The following NKIRAS1 variants were observed in gnomAD, a reference collection of about 807,000 sequenced individuals.
NKIRAS1 encodes NFKB inhibitor interacting Ras like 1, also known as NF-kappa-B inhibitor-interacting Ras-like protein 1.
NKIRAS1 carries 16 observed loss-of-function variants against 19.8 expected under a neutral mutation model. The observed-to-expected ratio is 0.81, with a 90% CI of 0.55 to 1.23. The LOEUF (loss-of-function observed/expected upper bound fraction) is 1.23, where lower values mean the gene tolerates loss of function less well. NKIRAS1 is among the 50% of genes most tolerant of loss of function. The probability of loss-of-function intolerance (pLI) is 0.00; values close to 1 mark genes in which losing one functional copy is unlikely to be tolerated. For synonymous variants in NKIRAS1, 88 were observed against 79.0 expected (o/e 1.11, Z -0.61); for missense variants, 184 against 220.0 (o/e 0.84, Z 1.04).
upstream of NKIRAS1, chr3:23,918,304 G>T: frequency 9.4e-7 from 1 of 1,067,634 alleles, no homozygotes; most frequent in Non-Finnish European, 1.3e-6. Flanking sequence ...AGACTGGGAT[G>T]TGTTTTATTT....
At chr3:23,908,807 G>A (rs2125408093) in intron 3 of NKIRAS1, among the ~76,000 whole-genome samples, 1 of 151,242 alleles carries the variant, frequency 6.6e-6, no homozygotes, top group African/African-American at 2.4e-5. Flanking sequence ...GGAACCACAG[G>A]CACATGCCAC....
intron 1 of NKIRAS1, 163 bp downstream of exon 1, chr3:23,916,621 G>T (rs557722152): frequency 3.3e-5 from 5 of 152,562 alleles, no homozygotes; most frequent in Non-Finnish European, 5.9e-5. Flanking sequence ...CTCCGCGAAG[G>T]CCTCCCTGGG....
At chr3:23,915,664 A>C (rs1014500285) in intron 1 of NKIRAS1, among the ~76,000 whole-genome samples, 1 of 152,120 alleles carries the variant, frequency 6.6e-6, no homozygotes, top group Non-Finnish European at 1.5e-5. Context: ...CTCCGACGTC[A>C]TTTCCCACTT....
upstream of NKIRAS1, chr3:23,920,380 G>C: frequency 1.0e-6 from 1 of 985,372 alleles, no homozygotes; most frequent in Non-Finnish European, 1.2e-6. Flanking sequence ...ACAAGCGCAT[G>C]GTTTCCAACC....
chr3:23,926,228 T>C lies in NKIRAS1; in HGVS notation c.-139-14778A>G, dbSNP rs148131465. Among the ~76,000 whole-genome samples the C allele has an allele frequency of 3.0e-3, 451 of 152,132 alleles. 1 individual carries two copies. Among genetic ancestry groups the C allele is most frequent in the African/African-American group, 0.011 (437 of 41,514 alleles). ...CACCACGCCCAGCTAATTTTTGTGT[T>C]TTTAGTAGAGACAGGGTTTCGCCGT... On this transcript the variant is annotated intron_variant, in intron 1 of 4. Coordinates refer to the NKIRAS1 transcript ENST00000421515. The surrounding 1 kb of genome is among the most constrained non-coding windows in gnomAD (Gnocchi z 4.3).
At chr3:23,934,490 T>C (rs1705362383) in intron 1 of NKIRAS1, among the ~76,000 whole-genome samples, 1 of 152,244 alleles carries the variant, frequency 6.6e-6, no homozygotes, top group Admixed American at 6.5e-5. Flanking sequence ...GCAGTTCCTC[T>C]GGCTATTCTG....
chr3:23,897,033 C>A (rs1045934951), intron 4 of NKIRAS1, among the ~76,000 whole-genome samples: 4 of 151,928 alleles, frequency 2.6e-5, no homozygotes, highest in African/African-American at 9.7e-5. Context: ...AGAGCAAGAC[C>A]TTGTCTTTGC....
intron 1 of NKIRAS1, among the ~76,000 whole-genome samples, chr3:23,934,351 G>A (rs936924381): frequency 6.6e-5 from 10 of 152,140 alleles, no homozygotes; most frequent in Non-Finnish European, 2.9e-5. Flanking sequence ...TCTGCCATGG[G>A]TATAAAGTAA....
upstream of NKIRAS1, chr3:23,920,609 T>C: frequency 1.0e-6 from 1 of 985,228 alleles, no homozygotes; most frequent in Non-Finnish European, 1.2e-6. Flanking sequence ...TTGCCCAATT[T>C]TAAATTCTGA....
intron 4 of NKIRAS1, among the ~76,000 whole-genome samples, chr3:23,893,808 A>C (rs1331057842): frequency 6.6e-6 from 1 of 151,058 alleles, no homozygotes; most frequent in African/African-American, 2.4e-5. Flanking sequence ...CAAAAAAAAA[A>C]AAAAAAAAAA....
intron 1 of NKIRAS1, among the ~76,000 whole-genome samples, chr3:23,938,292 C>T (rs1559517154): frequency 6.6e-6 from 1 of 151,452 alleles, no homozygotes; most frequent in Admixed American, 6.6e-5. Flanking sequence ...TCACTGCAGC[C>T]TCTATCTCCC....
intron 4 of NKIRAS1, among the ~76,000 whole-genome samples, chr3:23,893,774 G>A (rs1701683259): frequency 1.4e-5 from 2 of 139,608 alleles, no homozygotes; most frequent in African/African-American, 5.6e-5. Context: ...ACTCCAGCCT[G>A]GGTGACTGTG....
intron 1 of NKIRAS1, among the ~76,000 whole-genome samples, chr3:23,932,426 G>C (rs1469832350): frequency 6.6e-6 from 1 of 152,000 alleles, no homozygotes; most frequent in South Asian, 2.1e-4. Flanking sequence ...ATAACTTCTA[G>C]GCCTGTAATT....
chr3:23,918,631 G>C (rs751970353), upstream of NKIRAS1: 39 of 1,575,532 alleles, frequency 2.5e-5, no homozygotes, highest in Non-Finnish European at 3.4e-5. Flanking sequence ...TGGTGGGAGA[G>C]AGAGATTAAG....
At chr3:23,911,251 C>G (rs995423130) in intron 2 of NKIRAS1, 78 bp downstream of exon 2, 1 of 195,862 alleles carries the variant, frequency 5.1e-6, no homozygotes, top group African/African-American at 2.4e-5. Context: ...GTCAAGAGTT[C>G]GGCACCAGCC....
At chr3:23,942,692 A>G (rs1326725247) in intron 1 of NKIRAS1, among the ~76,000 whole-genome samples, 1 of 152,042 alleles carries the variant, frequency 6.6e-6, no homozygotes, top group South Asian at 2.1e-4. Flanking sequence ...CGGCCTCCCA[A>G]AGTGCTGGGT....
chr3:23,914,115 G>A (rs1283067474), intron 1 of NKIRAS1, among the ~76,000 whole-genome samples: 1 of 151,764 alleles, frequency 6.6e-6, no homozygotes, highest in African/African-American at 2.4e-5. Flanking sequence ...TACTTTCCAG[G>A]CTAATCAATA....
At chr3:23,944,554 T>C (rs1327033963) in intron 1 of NKIRAS1, among the ~76,000 whole-genome samples, 1 of 152,062 alleles carries the variant, frequency 6.6e-6, no homozygotes, top group Non-Finnish European at 1.5e-5. Context: ...ACATTCAAGG[T>C]GAAACGCCCA....
chr3:23,890,391 G>C lies in NKIRAS1; in HGVS notation c.*2704C>G. 1.2e-6 allele frequency: 1 copy of C among 845,234 alleles called. No individual in the cohort carries two copies. Among genetic ancestry groups the C allele is most frequent in the Non-Finnish European group, 1.8e-6 (1 of 565,018 alleles). 52.4% of individuals were successfully genotyped at this position (845,234 alleles called of 1,614,324 possible). The stretch of plus-strand genomic sequence containing the variant: ...ATCCAGCATGGTGGAGTGGTGTTTC[G>C]AAGATGGGTTTGATCACACATACTT... On this transcript the variant is annotated 3_prime_UTR_variant, in exon 5 of 5. Transcript: ENST00000425478.
Sources: allele counts gnomAD v4.1 joint callset (sites outside exome capture counted in the v4.1 genomes callset), GRCh38; gene constraint gnomAD v4.1.1; non-coding constraint Gnocchi (gnomAD v3.1); transcripts MANE v1.5; gene names NCBI Gene and HGNC (gene_info 2026-07-23, HGNC 2026-07-21).